NMI: variants seen among roughly 807,000 people sequenced by gnomAD.
NMI encodes N-myc-interactor.
In NMI, 39 loss-of-function variants were observed where a neutral mutation model predicts 34.3. The observed-to-expected ratio is 1.14, with a 90% CI of 0.88 to 1.49. The LOEUF is 1.49. Ranked by LOEUF, NMI falls within the 40% of genes most tolerant of loss-of-function variation. NMI has a pLI of 0.00. For missense variants in NMI, 339 were observed against 358.1 expected, an observed-to-expected ratio of 0.95 and a Z score of 0.43; for synonymous variants, 113 against 120.3, an observed-to-expected ratio of 0.94 and a Z score of 0.40.
chr2:151,283,890 C>T (rs1223223681), intron 1 of NMI, among the ~76,000 whole-genome samples: 1 of 152,210 alleles, frequency 6.6e-6, no homozygotes, highest in African/African-American at 2.4e-5. Context: ...ATAGAAAGCA[C>T]AGATAGTTTC....
chr2:151,288,592 C>CGCGT (rs1683552791), intron 1 of NMI, among the ~76,000 whole-genome samples: 1 of 149,716 alleles, frequency 6.7e-6, no homozygotes, highest in South Asian at 2.1e-4. Flanking sequence ...TGTGTGCGCG[C>CGCGT]GCGCGCGCGT....
chr2:151,284,799 T>G (rs2105211698), intron 1 of NMI, among the ~76,000 whole-genome samples: 1 of 152,332 alleles, frequency 6.6e-6, no homozygotes, highest in Non-Finnish European at 1.5e-5. Flanking sequence ...CATATAATTT[T>G]CCAAGATTTC....
chr2:151,288,542 A>G (rs1472427364), intron 1 of NMI, among the ~76,000 whole-genome samples: 1 of 151,878 alleles, frequency 6.6e-6, no homozygotes, highest in Non-Finnish European at 1.5e-5. Flanking sequence ...ACAGAATCCT[A>G]AGATAGTAAA....
At chr2:151,287,904 T>C (rs1224820365) in intron 1 of NMI, among the ~76,000 whole-genome samples, 1 of 152,226 alleles carries the variant, frequency 6.6e-6, no homozygotes, top group African/African-American at 2.4e-5. Context: ...CTTATTACAT[T>C]TCAGAAGACA....
intron 3 of NMI, among the ~76,000 whole-genome samples, chr2:151,280,160 A>C (rs1178280569): frequency 2.1e-5 from 3 of 141,502 alleles, no homozygotes; most frequent in African/African-American, 8.0e-5. Flanking sequence ...GCACCATTGC[A>C]TTCCAGCCTG....
chr2:151,274,621 ATG>A (rs1269476241), intron 6 of NMI, among the ~76,000 whole-genome samples: 157 of 150,978 alleles, frequency 1.0e-3, no homozygotes, highest in African/African-American at 3.6e-3. Flanking sequence ...GATTACAGGC[ATG>A]CGCCACCACA....
rs749354909 is a variant in NMI at position 151,275,879 on chromosome 2, A to C, written c.341-15T>G. 4 of 1,429,130 alleles carry C rather than the reference A, an allele frequency of 2.8e-6. No homozygotes were observed. Among genetic ancestry groups the C allele is most frequent in the Admixed American group, 2.0e-5 (1 of 49,990 alleles). The allele number at this position is 1,429,130 out of a possible 1,614,324, so 88.5% of individuals were successfully genotyped here. ...ATTTTGAGCAACTGAAAAATAATTC[A>C]GGAAGGAAGTATTAATTTCCAATAT... On this transcript the variant is annotated splice_polypyrimidine_tract_variant and intron_variant, in intron 4 of 7. Transcript: ENST00000243346.
Position 151,283,151 on chromosome 2 carries a change from C to CA in NMI, c.-6-198_-6-197insT, listed in dbSNP as rs757191953. Among the ~76,000 whole-genome samples, 68 of 144,952 alleles carry CA rather than the reference C, an allele frequency of 4.7e-4. 1 individual carries two copies. The highest frequency in any genetic ancestry group is 7.4e-4 in the Non-Finnish European group (49 of 66,072). ...TATTTTAATAACTCCTTTTTTTTTTCTTTTTTTGAGACAGAGTCTCTCTCT... is the reference window on the plus strand; with the variant it reads ...TATTTTAATAACTCCTTTTTTTTTTCATTTTTTTGAGACAGAGTCTCTCTCT... On this transcript the variant is annotated intron_variant, in intron 1 of 7. Transcript: ENST00000243346.
intron 3 of NMI, among the ~76,000 whole-genome samples, chr2:151,279,756 G>A (rs766949619): frequency 2.6e-5 from 4 of 152,038 alleles, no homozygotes; most frequent in Non-Finnish European, 4.4e-5. Flanking sequence ...GATTACAGGC[G>A]TGAGCCACCA....
At chr2:151,271,520 C>G (rs543874791) in intron 7 of NMI, 106 bp downstream of exon 7, 1 of 709,288 alleles carries the variant, frequency 1.4e-6, no homozygotes, top group East Asian at 2.7e-5. Flanking sequence ...ATTTTGCTAT[C>G]CCTCATTGAT....
chr2:151,271,223 G>A (rs1683181696), intron 7 of NMI, among the ~76,000 whole-genome samples: 1 of 152,160 alleles, frequency 6.6e-6, no homozygotes. Flanking sequence ...GGTGGAGTAG[G>A]TAGATGGTGG....
chr2:151,283,427 C>G (rs1418552858), intron 1 of NMI, among the ~76,000 whole-genome samples: 1 of 152,192 alleles, frequency 6.6e-6, no homozygotes, highest in Non-Finnish European at 1.5e-5. Flanking sequence ...GCGTGAGCCA[C>G]AGCACCTGGC....
chr2:151,277,949 T>G (rs1486775574), intron 4 of NMI: 2 of 152,150 alleles, frequency 1.3e-5, no homozygotes, highest in African/African-American at 2.4e-5. Context: ...AGGGTTTGGC[T>G]CTAAGCTCTG....
intron 1 of NMI, among the ~76,000 whole-genome samples, chr2:151,284,583 C>T (rs1296002954): frequency 6.6e-6 from 1 of 152,144 alleles, no homozygotes; most frequent in African/African-American, 2.4e-5. Context: ...GCCACCATGC[C>T]TGTCCCCACA....
At chr2:151,275,722 G>A (rs764809007) in intron 5 of NMI, 36 bp downstream of exon 5, 2 of 1,608,454 alleles carry the variant, frequency 1.2e-6, no homozygotes, top group Admixed American at 1.7e-5. Flanking sequence ...TGCTTGTGAT[G>A]AACAGAAATC....
In NMI at chr2:151,278,918, A is replaced by AC; in HGVS notation, c.249dup (p.Ser84ValfsTer16). 1 of 1,612,696 alleles carries AC rather than the reference A, an allele frequency of 6.2e-7. No individual in the cohort carries two copies. Among genetic ancestry groups the AC allele is most frequent in the East Asian group, 2.2e-5 (1 of 44,810 alleles). On this transcript the variant is annotated frameshift_variant, in exon 4 of 8. Transcript: ENST00000243346. LOFTEE classifies it high-confidence loss of function. ...ACTTGAAACGAACAGGAGATATTTG[A>AC]CAACTGGCTGTCATTCTCAGGAGTT... is the stretch of plus-strand genomic sequence containing the variant.
At chr2:151,281,082 C>A (rs1031653660) in intron 3 of NMI, among the ~76,000 whole-genome samples, 3 of 152,088 alleles carry the variant, frequency 2.0e-5, no homozygotes, top group African/African-American at 7.2e-5. Flanking sequence ...CCATGATCCA[C>A]CCGCCTCAGC....
In NMI at chr2:151,287,112, G is replaced by A. The variant is rs572185757; in HGVS notation, c.-7+2481C>T. ...TTGATGACTGTATTGTGGTTATGTC[G>A]GAGCACATCTTTTTTGTAGGAAATA... On this transcript the variant is annotated intron_variant, in intron 1 of 7. Transcript: ENST00000243346. 8.6e-5 allele frequency among the ~76,000 whole-genome samples: 13 copies of A among 151,988 alleles called. No individual in the cohort carries two copies. In the South Asian group the frequency reaches 1.5e-3, roughly 17 times the overall value.
intron 1 of NMI, among the ~76,000 whole-genome samples, chr2:151,287,347 A>G (rs531682314): frequency 4.1e-4 from 62 of 151,474 alleles, no homozygotes; most frequent in South Asian, 2.3e-3. Context: ...ACACACACAC[A>G]CGCATACATA....
Sources: gnomAD v4.1 joint callset for allele counts (sites outside exome capture counted in the v4.1 genomes callset) on GRCh38, gnomAD v4.1.1 for gene constraint, MANE v1.5 for transcripts, NCBI Gene and HGNC (gene_info 2026-07-23, HGNC 2026-07-21) for gene names.